The following LRRC42 variants were observed in gnomAD, a reference collection of about 807,000 sequenced individuals.
The protein encoded by LRRC42 is leucine-rich repeat-containing protein 42.
In LRRC42, 43 loss-of-function variants were observed where a neutral mutation model predicts 44.3. The observed-to-expected ratio is 0.97, with a 90% CI of 0.76 to 1.25. The LOEUF (loss-of-function observed/expected upper bound fraction) is 1.25, where lower values mean the gene tolerates loss of function less well. Among genes scored for constraint, LRRC42 ranks in the 50% most tolerant of loss-of-function variants. The probability of loss-of-function intolerance (pLI) is 0.00; values close to 1 mark genes in which losing one functional copy is unlikely to be tolerated. For missense variants in LRRC42, 540 were observed against 509.1 expected, an observed-to-expected ratio of 1.06 and a Z score of -0.58; for synonymous variants, 207 against 195.2, an observed-to-expected ratio of 1.06 and a Z score of -0.50.
At chr1:53,960,297 A>G (rs755802831) in intron 4 of LRRC42, 59 bp from the exon 5 acceptor site, 21 of 1,147,708 alleles carry the variant, frequency 1.8e-5, no homozygotes, top group South Asian at 4.0e-5. Context: ...GCATGTTTTT[A>G]TACCTAGATT....
Position 53,967,837 on chromosome 1 carries a change from TTTTGAGGAG to T in LRRC42, c.1187_1195del (p.Phe396_Glu398del), listed in dbSNP as rs769634138. 104 of 1,614,022 alleles carry T rather than the reference TTTTGAGGAG, an allele frequency of 6.4e-5. 1 individual carries two copies. Among genetic ancestry groups the T allele is most frequent in the African/African-American group, 1.3e-5 (1 of 74,910 alleles). On this transcript the variant is annotated inframe_deletion, in exon 9 of 9. Transcript: ENST00000371370. The stretch of plus-strand genomic sequence containing the variant: ...AGTCAAAGAAGAGCAAGAAGAGACC[TTTTGAGGAG>T]TCAGAGACAGAACAGAATAACTCTT...
chr1:53,964,015 C>T (rs913278073), intron 7 of LRRC42, among the ~76,000 whole-genome samples: 1 of 130,410 alleles, frequency 7.7e-6, no homozygotes, highest in South Asian at 2.5e-4. Context: ...ACAAGGTGTC[C>T]TTATTCTAGC....
chr1:53,952,294 G>A lies in LRRC42; in HGVS notation c.295G>A (p.Asp99Asn), dbSNP rs577713061. 9.3e-6 allele frequency: 15 copies of A among 1,614,186 alleles called. No individual in the cohort carries two copies. The highest frequency in any genetic ancestry group is 5.0e-5 in the Admixed American group (3 of 60,028). Residue 99 changes from aspartate (D) to asparagine (N), a missense_variant, in exon 3 of 9, where the codon GAC (aspartate) becomes AAC (asparagine). Physicochemically the swap from Asp to Asn is conservative, Grantham distance 23. Transcript: ENST00000371370. ...LFSLVLGFISDNVDHIDSLIG... is the reference protein window; with the variant it reads ...LFSLVLGFISNNVDHIDSLIG... ...CAGCCTTGTCCTGGGTTTCATCTCC[G>A]ACAATGTGGATCACATTGATTCCCT...
Position 53,951,994 on chromosome 1 carries a change from A to G in LRRC42, c.-6A>G. ...GTGCCTTGCTTTTACAGTTGCAACCAAGGCAATGTCTTACTACCTCAGCTC... is the reference window on the plus strand; with the variant it reads ...GTGCCTTGCTTTTACAGTTGCAACCGAGGCAATGTCTTACTACCTCAGCTC... On this transcript the variant is annotated 5_prime_UTR_variant, in exon 3 of 9. Transcript: ENST00000371370. The G allele has an allele frequency of 6.2e-7, 1 of 1,609,538 alleles. No individual in the cohort carries two copies.
At position 53,952,182 on chromosome 1, in the gene LRRC42, C is replaced by T. The variant is rs746998361; in HGVS notation, c.183C>T (p.Asp61=). Residue 61 remains aspartate, a synonymous_variant, in exon 3 of 9, where the codon GAC becomes GAT. Coordinates refer to ENST00000371370, the MANE Select transcript of LRRC42 (RefSeq NM_001256409.2). The part of the protein sequence containing the change: ...FSVELCMNRE[D]DTARKEKTDH... Reference sequence around the variant, plus strand: ...TGGAGCTTTGCATGAACAGGGAAGACGACACTGCACGGAAAGAGAAGACTG... The same window carrying T: ...TGGAGCTTTGCATGAACAGGGAAGATGACACTGCACGGAAAGAGAAGACTG... The T allele has an allele frequency of 2.2e-5, 36 of 1,614,076 alleles. No individual in the cohort carries two copies. Among genetic ancestry groups the T allele is most frequent in the South Asian group, 1.3e-4 (12 of 91,088 alleles).
At chr1:53,956,959 A>G (rs1015950630) in intron 3 of LRRC42, among the ~76,000 whole-genome samples, 5 of 152,232 alleles carry the variant, frequency 3.3e-5, no homozygotes, top group Non-Finnish European at 5.9e-5. Context: ...ATCTGAGTAA[A>G]TAAGGCTCTT....
At position 53,958,701 on chromosome 1, in the gene LRRC42, G is replaced by A. The variant is rs563782137; in HGVS notation, c.605+421G>A. Among the ~76,000 whole-genome samples the A allele has an allele frequency of 6.0e-5, 9 of 149,880 alleles. No homozygotes were observed. The East Asian group carries it at 1.8e-3, about 30-fold the overall frequency. On this transcript the variant is annotated intron_variant, in intron 4 of 8. Transcript: ENST00000371370. ...TCCCAGGTTCAAGCAATTCTCCTGC[G>A]TCAGCCTCCCAAGTAGCTGGGATTA...
chr1:53,953,095 A>G lies in LRRC42; in HGVS notation c.473+623A>G, dbSNP rs72662398. ...AAAAACTTGCAAAAACAATAAAACTATACATGGCAAACAATTTAAACACAA... is the reference window on the plus strand; with the variant it reads ...AAAAACTTGCAAAAACAATAAAACTGTACATGGCAAACAATTTAAACACAA... On this transcript the variant is annotated intron_variant, in intron 3 of 8. Transcript: ENST00000371370. 7.6e-3 allele frequency among the ~76,000 whole-genome samples: 1,165 copies of G among 152,372 alleles called. 4 individuals carry two copies. The highest frequency in any genetic ancestry group is 0.012 in the Non-Finnish European group (825 of 68,036).
chr1:53,967,936 T>C lies in LRRC42; in HGVS notation c.1284T>C (p.Tyr428=). The C allele has an allele frequency of 6.2e-7, 1 of 1,612,984 alleles. No homozygotes were observed. The highest frequency in any genetic ancestry group is 8.5e-7 in the Non-Finnish European group (1 of 1,179,134). Residue 428 remains tyrosine, a synonymous_variant, in exon 9 of 9, where the codon TAT becomes TAC. Transcript: ENST00000371370. ...AVEDWDLLNS[Y] is the part of the protein sequence containing the mutation. Reference sequence around the variant, plus strand: ...AAGACTGGGACTTGTTAAATTCCTATTGATTAGTAGATACAAGTTGACCTT... The same window carrying C: ...AAGACTGGGACTTGTTAAATTCCTACTGATTAGTAGATACAAGTTGACCTT...
rs144986842 is a variant in LRRC42 at position 53,963,753 on chromosome 1, CACTT to C, written c.927+1349_927+1352del. Among the ~76,000 whole-genome samples, 1,416 of 152,276 alleles carry C rather than the reference CACTT, an allele frequency of 9.3e-3. 27 individuals are homozygous for C. The highest frequency in any genetic ancestry group is 0.033 in the African/African-American group (1,350 of 41,538). ...TCCTCATTCTCATCTCACAAGGGTC[CACTT>C]ACTTCCCTATTTCTGTCTCAGAATT... On this transcript the variant is annotated intron_variant, in intron 7 of 8. Coordinates refer to ENST00000371370, the MANE Select transcript of LRRC42 (RefSeq NM_001256409.2).
chr1:53,949,870 G>C (rs1403302376), intron 2 of LRRC42, among the ~76,000 whole-genome samples: 1 of 152,192 alleles, frequency 6.6e-6, no homozygotes, highest in Non-Finnish European at 1.5e-5. Flanking sequence ...AAAGGAGCTG[G>C]CTCCTAGCAA....
intron 5 of LRRC42, among the ~76,000 whole-genome samples, chr1:53,961,777 G>C (rs1329336770): frequency 3.3e-5 from 5 of 152,062 alleles, no homozygotes; most frequent in Non-Finnish European, 5.9e-5. Flanking sequence ...TAACTACCTG[G>C]TTCATTTATT....
At chr1:53,960,758 A>C (rs1654974112) in intron 5 of LRRC42, among the ~76,000 whole-genome samples, 1 of 152,194 alleles carries the variant, frequency 6.6e-6, no homozygotes, top group Non-Finnish European at 1.5e-5. Context: ...TTCATTGCAT[A>C]CTTAAAGGAC....
Position 53,952,149 on chromosome 1 carries a change from C to CT in LRRC42, c.154dup (p.Ser52PhefsTer19). The CT allele has an allele frequency of 1.9e-6, 3 of 1,614,192 alleles. No individual in the cohort carries two copies. Among genetic ancestry groups the CT allele is most frequent in the Non-Finnish European group, 2.5e-6 (3 of 1,180,032 alleles). On this transcript the variant is annotated frameshift_variant, in exon 3 of 9. Transcript: ENST00000371370. LOFTEE classifies it high-confidence loss of function. The stretch of plus-strand genomic sequence containing the variant: ...GGCCTTTCAGACTGTTCCCCAAAGG[C>CT]TTTTCTGTGGAGCTTTGCATGAACA...
At chr1:53,960,565 A>T in intron 5 of LRRC42, 91 bp downstream of exon 5, 2 of 983,744 alleles carry the variant, frequency 2.0e-6, no homozygotes, top group South Asian at 3.2e-5. Flanking sequence ...TAGAGGTGAG[A>T]AAGGAAAGGT....
chr1:53,951,449 A>G (rs1212937543), intron 2 of LRRC42, among the ~76,000 whole-genome samples: 1 of 152,076 alleles, frequency 6.6e-6, no homozygotes, highest in Non-Finnish European at 1.5e-5. Context: ...TTTGAGACGG[A>G]GTCTCGCTCT....
intron 4 of LRRC42, among the ~76,000 whole-genome samples, chr1:53,958,491 G>A (rs904945478): frequency 8.5e-5 from 13 of 152,180 alleles, no homozygotes; most frequent in Admixed American, 3.3e-4. Context: ...AAGTCAGTTA[G>A]TTGACTCTTT....
At chr1:53,964,995 A>ATTTTTTTTT (rs1557649612) in intron 7 of LRRC42, among the ~76,000 whole-genome samples, 35 of 137,704 alleles carry the variant, frequency 2.5e-4, no homozygotes, top group African/African-American at 1.1e-3. Flanking sequence ...CTGGAACTGT[A>ATTTTTTTTT]TTGTTTTTTT....
At position 53,958,650 on chromosome 1, in the gene LRRC42, G is replaced by A. The variant is rs188269372; in HGVS notation, c.605+370G>A. ...CACCCAGGCTGGAGTGCAATGGCAC[G>A]ATCTCAGCTCACCGCAACCTCCACC... On this transcript the variant is annotated intron_variant, in intron 4 of 8. Coordinates refer to ENST00000371370, the MANE Select transcript of LRRC42 (RefSeq NM_001256409.2). Among the ~76,000 whole-genome samples the A allele has an allele frequency of 7.2e-5, 11 of 152,178 alleles. No homozygotes were observed. In the East Asian group the frequency reaches 1.9e-3, roughly 27 times the overall value.
Sources: gnomAD v4.1 joint callset for allele counts (sites outside exome capture counted in the v4.1 genomes callset) on GRCh38, gnomAD v4.1.1 for gene constraint, MANE v1.5 for transcripts, NCBI Gene and HGNC (gene_info 2026-07-23, HGNC 2026-07-21) for gene names.